The following OPCML variants were observed in gnomAD, a reference collection of about 807,000 sequenced individuals.
OPCML encodes the protein opioid binding protein/cell adhesion molecule like.
OPCML carries 13 observed loss-of-function variants against 37.8 expected under a neutral mutation model. The ratio of observed to expected loss-of-function variants is 0.34; its 90% CI spans 0.22 to 0.55. The LOEUF (loss-of-function observed/expected upper bound fraction) is 0.55, where lower values mean the gene tolerates loss of function less well. Among genes scored for constraint, OPCML ranks in the 20% least tolerant of loss-of-function variants. The pLI is 0.91. For synonymous variants in OPCML, 176 were observed against 168.8 expected, an observed-to-expected ratio of 1.04 and a Z score of -0.33; for missense variants, 341 against 435.6, an observed-to-expected ratio of 0.78 and a Z score of 1.93.
At chr11:132,917,512 T>C (rs1048639806) in intron 2 of OPCML, among the ~76,000 whole-genome samples, 1 of 152,152 alleles carries the variant, frequency 6.6e-6, no homozygotes, top group Non-Finnish European at 1.5e-5. Context: ...AGATCCAACA[T>C]TGGCCTAGCA....
chr11:132,741,581 G>A (rs1945434123), intron 2 of OPCML, among the ~76,000 whole-genome samples: 1 of 152,068 alleles, frequency 6.6e-6, no homozygotes, highest in Non-Finnish European at 1.5e-5. Flanking sequence ...CAAGGACTGT[G>A]AAACTATGCA....
intron 2 of OPCML, among the ~76,000 whole-genome samples, chr11:132,909,404 C>T (rs1344819884): frequency 6.6e-6 from 1 of 152,216 alleles, no homozygotes; most frequent in African/African-American, 2.4e-5. Context: ...AGGCATTTCT[C>T]AGAAGAGAAA....
At chr11:133,035,815 C>T (rs1947770132) in intron 1 of OPCML, among the ~76,000 whole-genome samples, 1 of 152,002 alleles carries the variant, frequency 6.6e-6, no homozygotes, top group East Asian at 1.9e-4. Context: ...ATGAGTATGC[C>T]CATTCTATAA....
chr11:132,954,643 A>G (rs894896436), intron 1 of OPCML, among the ~76,000 whole-genome samples: 13 of 152,168 alleles, frequency 8.5e-5, no homozygotes, highest in Admixed American at 5.9e-4. Flanking sequence ...GCATTTGGAT[A>G]TTTCGGTGTT....
chr11:132,819,367 GGA>G (rs1238878378), intron 2 of OPCML, among the ~76,000 whole-genome samples: 2 of 149,460 alleles, frequency 1.3e-5, no homozygotes, highest in Non-Finnish European at 1.5e-5. Flanking sequence ...AAAAAAAAAA[GGA>G]GAGAGAGACA....
chr11:132,626,064 C>G (rs1304636401), intron 3 of OPCML, among the ~76,000 whole-genome samples: 1 of 151,824 alleles, frequency 6.6e-6, no homozygotes, highest in African/African-American at 2.4e-5. Context: ...ATATGTAGTC[C>G]CTTTCCTCAA....
intron 3 of OPCML, among the ~76,000 whole-genome samples, chr11:132,592,580 C>G (rs2096486256): frequency 6.6e-6 from 1 of 152,176 alleles, no homozygotes; most frequent in Non-Finnish European, 1.5e-5. Context: ...ACGGGGTCCT[C>G]CAGTGAGTGA....
intron 1 of OPCML, among the ~76,000 whole-genome samples, chr11:133,446,279 T>G (rs1565638203): frequency 1.3e-5 from 2 of 152,220 alleles, no homozygotes. Context: ...TGATATCCTT[T>G]GTAGTTTGCA....
chr11:133,236,546 A>T (rs1051935375), intron 1 of OPCML, among the ~76,000 whole-genome samples: 2 of 152,146 alleles, frequency 1.3e-5, no homozygotes, highest in African/African-American at 4.8e-5. Context: ...ATAAATAGTA[A>T]CTTCTCTTAG....
chr11:133,403,674 C>T (rs137864965), intron 1 of OPCML, among the ~76,000 whole-genome samples: 14 of 152,228 alleles, frequency 9.2e-5, no homozygotes, highest in African/African-American at 2.2e-4. Flanking sequence ...ACAATGTTAT[C>T]GTACCAATTA....
At chr11:133,052,884 A>G (rs1948157012) in intron 1 of OPCML, among the ~76,000 whole-genome samples, 1 of 152,210 alleles carries the variant, frequency 6.6e-6, no homozygotes, top group African/African-American at 2.4e-5. Flanking sequence ...GATCCTAATT[A>G]CACCATTTGA....
At chr11:133,034,130 G>C (rs1947724596) in intron 1 of OPCML, among the ~76,000 whole-genome samples, 1 of 152,110 alleles carries the variant, frequency 6.6e-6, no homozygotes, top group Non-Finnish European at 1.5e-5. Context: ...AGAGGCTGAG[G>C]GGATGCTCCT....
chr11:133,391,279 G>A (rs777287680), intron 1 of OPCML, among the ~76,000 whole-genome samples: 2 of 152,134 alleles, frequency 1.3e-5, no homozygotes, highest in Non-Finnish European at 2.9e-5. Context: ...ATGACCTACT[G>A]GCATTGCTCC....
intron 1 of OPCML, chr11:133,422,753 A>C: frequency 1.1e-6 from 1 of 930,932 alleles, no homozygotes; most frequent in Non-Finnish European, 1.3e-6. Flanking sequence ...TTTCAAAAAT[A>C]ATGTATTAAT....
intron 2 of OPCML, among the ~76,000 whole-genome samples, chr11:132,834,981 C>T (rs1940925967): frequency 9.5e-6 from 1 of 105,204 alleles, no homozygotes; most frequent in Non-Finnish European, 1.9e-5. Flanking sequence ...CGGGTGGTGG[C>T]ACTTTGTAAA....
At chr11:133,307,103 C>T (rs1942940728) in intron 1 of OPCML, among the ~76,000 whole-genome samples, 1 of 152,100 alleles carries the variant, frequency 6.6e-6, no homozygotes, top group Non-Finnish European at 1.5e-5. Context: ...GCTGTTCCTC[C>T]CCTCCTTCCC....
chr11:133,041,804 C>T (rs1007041494), intron 1 of OPCML, among the ~76,000 whole-genome samples: 10 of 152,162 alleles, frequency 6.6e-5, no homozygotes, highest in African/African-American at 1.9e-4. Context: ...GCATTTCTGA[C>T]ATCACTCTAT....
At chr11:132,873,775 A>C (rs1418816963) in intron 2 of OPCML, among the ~76,000 whole-genome samples, 1 of 152,176 alleles carries the variant, frequency 6.6e-6, no homozygotes, top group Non-Finnish European at 1.5e-5. Flanking sequence ...AAAGATAACA[A>C]AAAAGTAAAG....
Position 132,883,077 on chromosome 11 carries a change from T to C in OPCML, c.146+59849A>G, listed in dbSNP as rs547735447. 3.3e-5 allele frequency among the ~76,000 whole-genome samples: 5 copies of C among 152,224 alleles called. No homozygotes were observed. The East Asian group carries it at 9.7e-4, about 29-fold the overall frequency. ...TGAGGCTTTCCCGCGAACACCAAAA[T>C]GGTCCGATCTGAGGGGCAAGGTACT... On this transcript the variant is annotated intron_variant, in intron 2 of 7. Transcript: ENST00000524381.
Sources: allele counts gnomAD v4.1 joint callset (sites outside exome capture counted in the v4.1 genomes callset), GRCh38; gene constraint gnomAD v4.1.1; transcripts MANE v1.5; gene names NCBI Gene and HGNC (gene_info 2026-07-23, HGNC 2026-07-21).